DDX60: variants seen among roughly 807,000 people sequenced by gnomAD.
The protein encoded by DDX60 is probable ATP-dependent RNA helicase DDX60.
Under a neutral mutation model 212.8 loss-of-function variants are expected in DDX60, and 165 were observed. That is an observed-to-expected ratio of 0.78 (90% CI 0.68 to 0.88). The LOEUF (loss-of-function observed/expected upper bound fraction) is 0.88, where lower values mean the gene tolerates loss of function less well. Ranked by LOEUF, DDX60 falls within the 40% of genes least tolerant of loss-of-function variation. The pLI is 0.00. For missense variants in DDX60, 1,905 were observed against 2,003.9 expected, an observed-to-expected ratio of 0.95 and a Z score of 0.94; for synonymous variants, 703 against 685.3, an observed-to-expected ratio of 1.03 and a Z score of -0.40.
Position 168,221,876 on chromosome 4 carries a change from A to T in DDX60, c.4830T>A (p.Thr1610=). The change falls in exon 36 of 38, where the codon ACT becomes ACA. Residue 1610 remains threonine, a synonymous_variant. Transcript: ENST00000393743. ...AGCGATTGACACCGATTGTGCCTAG[A>T]GTAACCTGAAAAAATACGATTATTC... is the stretch of plus-strand genomic sequence containing the variant. ...LLRLETPNHV[T]LGTIGVNRSQ... is the part of the protein sequence containing the mutation. 1 of 1,609,640 alleles carries T rather than the reference A, an allele frequency of 6.2e-7. No individual in the cohort carries two copies. Among genetic ancestry groups the T allele is most frequent in the Non-Finnish European group, 8.5e-7 (1 of 1,177,120 alleles).
intron 20 of DDX60, among the ~76,000 whole-genome samples, chr4:168,268,392 T>C (rs866525106): frequency 6.6e-6 from 1 of 152,132 alleles, no homozygotes; most frequent in South Asian, 2.1e-4. Flanking sequence ...TATTATAAAG[T>C]AAAAAAATTA....
chr4:168,241,563 GC>G (rs1279763957), intron 30 of DDX60, among the ~76,000 whole-genome samples: 18 of 152,298 alleles, frequency 1.2e-4, no homozygotes, highest in African/African-American at 4.3e-4. Flanking sequence ...AAGACGGGCA[GC>G]ATTTTGCCTC....
At chr4:168,303,221 G>A (rs1346489608) in intron 5 of DDX60, among the ~76,000 whole-genome samples, 1 of 150,632 alleles carries the variant, frequency 6.6e-6, no homozygotes, top group East Asian at 2.0e-4. Context: ...AGAATGGCGA[G>A]AACCCGGGAG....
chr4:168,217,855 C>T (rs1004202284), intron 37 of DDX60, among the ~76,000 whole-genome samples: 35 of 152,142 alleles, frequency 2.3e-4, no homozygotes, highest in Admixed American at 7.2e-4. Context: ...CAAAGAAATG[C>T]AGCCCTGCTG....
chr4:168,271,853 C>T (rs1372741257), intron 19 of DDX60, among the ~76,000 whole-genome samples, 190 bp downstream of exon 19: 1 of 151,940 alleles, frequency 6.6e-6, no homozygotes, highest in Non-Finnish European at 1.5e-5. Flanking sequence ...TCATTTTACC[C>T]TATTGAGTCA....
intron 30 of DDX60, among the ~76,000 whole-genome samples, chr4:168,239,737 T>G (rs937334392): frequency 9.2e-5 from 14 of 152,042 alleles, no homozygotes; most frequent in Non-Finnish European, 1.6e-4. Context: ...GGGGTGTTCA[T>G]GAAGCAGGTA....
At position 168,237,349 on chromosome 4, in the gene DDX60, G is replaced by A; in HGVS notation, c.4348C>T (p.Leu1450Phe). ...SHLHYHEPSN[L>F]VFVSFLVNGL... ...TTTACAAGAAAACTGACAAAAACAA[G>A]ATTAGAAGGTTCATGATAATGCAAA... Residue 1450 changes from leucine to phenylalanine, a missense_variant, in exon 32 of 38, where the codon CTT becomes TTT. Coordinates refer to ENST00000393743, the MANE Select transcript of DDX60 (RefSeq NM_017631.6). The A allele has an allele frequency of 6.3e-7, 1 of 1,595,490 alleles. No individual in the cohort carries two copies. The highest frequency in any genetic ancestry group is 1.3e-5 in the African/African-American group (1 of 74,512).
At chr4:168,266,629 A>T (rs1331745401) in intron 22 of DDX60, among the ~76,000 whole-genome samples, 1 of 152,182 alleles carries the variant, frequency 6.6e-6, no homozygotes, top group Non-Finnish European at 1.5e-5. Flanking sequence ...TCTAAGAGCA[A>T]TATATAGCAT....
chr4:168,314,144 C>T (rs1737260226), intron 1 of DDX60, among the ~76,000 whole-genome samples: 2 of 152,136 alleles, frequency 1.3e-5, no homozygotes, highest in Admixed American at 6.6e-5. Flanking sequence ...TAGGCTTACA[C>T]ACCCTAGGCT....
chr4:168,260,356 C>T (rs990281626), intron 25 of DDX60, among the ~76,000 whole-genome samples: 3 of 152,160 alleles, frequency 2.0e-5, no homozygotes, highest in Admixed American at 2.0e-4. Flanking sequence ...TGAGTGAGAA[C>T]ATGCGGTTTT....
upstream of DDX60, among the ~76,000 whole-genome samples, chr4:168,319,637 G>T (rs1440294071): frequency 6.6e-6 from 1 of 152,194 alleles, no homozygotes; most frequent in Non-Finnish European, 1.5e-5. Context: ...GATACTTGCA[G>T]TGTGGGTTTC....
In DDX60 at chr4:168,248,182, C is replaced by T. The variant is rs753422312; in HGVS notation, c.3963+6G>A. 2 of 1,584,148 alleles carry T rather than the reference C, an allele frequency of 1.3e-6. No individual in the cohort carries two copies. Among genetic ancestry groups the T allele is most frequent in the South Asian group, 1.2e-5 (1 of 85,848 alleles). ...ACAATAAGCAAGTTTATGCATTTTG[C>T]AATACCTGTCTATAATTCAACGCAT... On this transcript the variant is annotated splice_donor_region_variant and intron_variant, in intron 29 of 37. Coordinates refer to ENST00000393743, the MANE Select transcript of DDX60 (RefSeq NM_017631.6).
chr4:168,224,262 C>A lies in DDX60; in HGVS notation c.4805G>T (p.Arg1602Leu), dbSNP rs766262357. ...LSGNFDDDLL[R>L]LETPNHVTLG... is the part of the protein sequence containing the mutation. ...ACTTACATGGTTTGGAGTTTCTAGT[C>A]GAAGCAAATCATCATCAAAGTTCCC... is the stretch of plus-strand genomic sequence containing the variant. Residue 1602 changes from arginine (R) to leucine (L), a missense_variant, in exon 35 of 38, where the codon CGA (arginine) becomes CTA (leucine). Transcript: ENST00000393743. 2 of 1,612,186 alleles carry A rather than the reference C, an allele frequency of 1.2e-6. No individual in the cohort carries two copies. Among genetic ancestry groups the A allele is most frequent in the African/African-American group, 1.3e-5 (1 of 74,892 alleles).
At position 168,303,666 on chromosome 4, in the gene DDX60, C is replaced by T. The variant is rs1480563589; in HGVS notation, c.607-1250G>A. On this transcript the variant is annotated intron_variant, in intron 5 of 37. Transcript: ENST00000393743. The stretch of plus-strand genomic sequence containing the variant: ...TGTTCATGAGGCTGGTGTAAACACA[C>T]TTACTGTGCTGCCAGGCATATAAAA... 3.9e-5 allele frequency among the ~76,000 whole-genome samples: 6 copies of T among 152,166 alleles called. No individual in the cohort carries two copies. In the South Asian group the frequency reaches 6.2e-4, roughly 16 times the overall value.
intron 13 of DDX60, among the ~76,000 whole-genome samples, chr4:168,282,035 C>T (rs1735616556): frequency 6.6e-6 from 1 of 152,148 alleles, no homozygotes; most frequent in Admixed American, 6.5e-5. Flanking sequence ...AACTGAAAAG[C>T]AGTAGCCTTT....
intron 32 of DDX60, among the ~76,000 whole-genome samples, chr4:168,237,077 G>C (rs1263760889): frequency 6.6e-6 from 1 of 151,664 alleles, no homozygotes; most frequent in Admixed American, 6.6e-5. Context: ...TGGAGGTGTT[G>C]ACATTGTAAA....
At chr4:168,260,124 T>A (rs1734566383) in intron 25 of DDX60, among the ~76,000 whole-genome samples, 1 of 152,208 alleles carries the variant, frequency 6.6e-6, no homozygotes, top group Admixed American at 6.5e-5. Flanking sequence ...TTTCTTTTTT[T>A]AAAATTATAC....
chr4:168,292,001 C>T, intron 7 of DDX60, 95 bp from the exon 8 acceptor site: 3 of 734,546 alleles, frequency 4.1e-6, no homozygotes, highest in East Asian at 2.9e-5. Flanking sequence ...GCTACCTTTG[C>T]TGTTCAGGAA....
intron 37 of DDX60, among the ~76,000 whole-genome samples, chr4:168,217,325 C>T (rs565931068): frequency 2.8e-4 from 43 of 152,264 alleles, no homozygotes; most frequent in African/African-American, 6.5e-4. Context: ...AAAAGTGCAA[C>T]GCAAATTCCT....
Sources: gnomAD v4.1 joint callset for allele counts (sites outside exome capture counted in the v4.1 genomes callset) on GRCh38, gnomAD v4.1.1 for gene constraint, MANE v1.5 for transcripts, NCBI Gene and HGNC (gene_info 2026-07-23, HGNC 2026-07-21) for gene names.